Variants in CMYA5 observed in about 807,000 individuals in gnomAD.
The protein encoded by CMYA5 is cardiomyopathy associated 5, also known as cardiomyopathy-associated protein 5.
Under a neutral mutation model 318.9 loss-of-function variants are expected in CMYA5, and 246 were observed. The observed-to-expected ratio is 0.77, with a 90% CI of 0.70 to 0.86. The LOEUF is 0.86. Among genes scored for constraint, CMYA5 ranks in the 40% least tolerant of loss-of-function variants. The pLI is 0.00. For missense variants in CMYA5, 4,589 were observed against 4,678.2 expected, an observed-to-expected ratio of 0.98 and a Z score of 0.56; for synonymous variants, 1,641 against 1,729.5, an observed-to-expected ratio of 0.95 and a Z score of 1.27.
At position 79,799,610 on chromosome 5, in the gene CMYA5, CA is replaced by C; in HGVS notation, c.12206del (p.Lys4069SerfsTer14). On this transcript the variant is annotated frameshift_variant, in exon 13 of 13. Coordinates refer to ENST00000446378, the MANE Select transcript of CMYA5 (RefSeq NM_153610.5). LOFTEE classifies it high-confidence loss of function. Reference protein sequence around the residue: ...GIEPPDSVRHK With the variant: ...GIEPPDSVRHX ...TAGAGCCCCCGGATTCTGTAAGGCA[CA>C]AGTGATCCTTGGCTTTCAGAATTTG... 1 of 1,608,304 alleles carries C rather than the reference CA, an allele frequency of 6.2e-7. No homozygotes were observed. Among genetic ancestry groups the C allele is most frequent in the South Asian group, 1.1e-5 (1 of 90,502 alleles).
intron 11 of CMYA5, among the ~76,000 whole-genome samples, chr5:79,792,924 G>A (rs1219075662): frequency 1.3e-5 from 2 of 152,184 alleles, no homozygotes; most frequent in Non-Finnish European, 2.9e-5. Flanking sequence ...CTTGGCACTG[G>A]CCAGCACTAG....
chr5:79,734,578 A>G lies in CMYA5; in HGVS notation c.5813A>G (p.His1938Arg), dbSNP rs1380419998. Residue 1938 changes from histidine to arginine, a missense_variant, in exon 2 of 13, where the codon CAT becomes CGT. Physicochemically the swap from His to Arg is conservative, Grantham distance 29. This residue lies in a region of CMYA5 where 2,431 missense variants were observed against 2,495.1 expected (regional missense o/e 0.97). Transcript: ENST00000446378. Reference sequence around the variant, plus strand: ...AAGGCTGCTGTGTCCAGTAAGGACCATACATGTGAAGTGAGAAAGCAGGTC... The same window carrying G: ...AAGGCTGCTGTGTCCAGTAAGGACCGTACATGTGAAGTGAGAAAGCAGGTC... ...QLKAAVSSKD[H>R]TCEVRKQVLP... The G allele has an allele frequency of 1.4e-5, 22 of 1,613,802 alleles. No individual in the cohort carries two copies. The highest frequency in any genetic ancestry group is 1.8e-5 in the Non-Finnish European group (21 of 1,179,842).
At chr5:79,695,163 C>T (rs533906060) in intron 1 of CMYA5, among the ~76,000 whole-genome samples, 1 of 152,224 alleles carries the variant, frequency 6.6e-6, no homozygotes, top group South Asian at 2.1e-4. Context: ...AGTCATTAAA[C>T]CAAATTCCCC....
intron 5 of CMYA5, among the ~76,000 whole-genome samples, chr5:79,748,559 T>C (rs935058123): frequency 2.0e-5 from 3 of 149,684 alleles, no homozygotes; most frequent in Non-Finnish European, 4.4e-5. Context: ...CTATATTTTT[T>C]TGAGCCAGGG....
chr5:79,759,525 A>G (rs1413441269), intron 7 of CMYA5, among the ~76,000 whole-genome samples: 1 of 152,198 alleles, frequency 6.6e-6, no homozygotes, highest in Non-Finnish European at 1.5e-5. Flanking sequence ...AGTAGGGTGA[A>G]TGGATGGTAT....
chr5:79,772,226 C>T (rs771446847), intron 9 of CMYA5, among the ~76,000 whole-genome samples: 1 of 152,136 alleles, frequency 6.6e-6, no homozygotes, highest in Non-Finnish European at 1.5e-5. Flanking sequence ...CCAATCAATT[C>T]ATTTTTATTT....
chr5:79,732,548 T>A lies in CMYA5; in HGVS notation c.3783T>A (p.Asn1261Lys). The A allele has an allele frequency of 6.2e-7, 1 of 1,613,044 alleles. No individual in the cohort carries two copies. Among genetic ancestry groups the A allele is most frequent in the Non-Finnish European group, 8.5e-7 (1 of 1,179,568 alleles). ...KKGVKPKLVL[N>K]VTSELEQRKL... ...GTGTCAAGCCCAAATTAGTTCTAAA[T>A]GTGACTTCTGAACTAGAACAGAGAA... The change falls in exon 2 of 13, where the codon AAT becomes AAA. Residue 1261 changes from asparagine to lysine, a missense_variant. This residue lies in a region of CMYA5 where 2,132 missense variants were observed against 2,131.3 expected (regional missense o/e 1.00). Coordinates refer to ENST00000446378, the MANE Select transcript of CMYA5 (RefSeq NM_153610.5).
At chr5:79,765,730 T>C (rs1454768980) in intron 9 of CMYA5, among the ~76,000 whole-genome samples, 1 of 152,200 alleles carries the variant, frequency 6.6e-6, no homozygotes, top group Admixed American at 6.5e-5. Context: ...TATTCCTAGG[T>C]ATTTAATTCT....
At chr5:79,744,057 A>G (rs1180905477) in intron 3 of CMYA5, 135 bp downstream of exon 3, 3 of 518,788 alleles carry the variant, frequency 5.8e-6, no homozygotes, top group East Asian at 6.3e-5. Context: ...GGTTCCATTC[A>G]AAGCGAGAAT....
intron 12 of CMYA5, 88 bp from the exon 13 acceptor site, chr5:79,799,282 T>G (rs1445151326): frequency 3.0e-6 from 4 of 1,354,230 alleles, no homozygotes; most frequent in Non-Finnish European, 4.0e-6. Flanking sequence ...AGTTAATAAC[T>G]GAAGAATTGG....
intron 1 of CMYA5, among the ~76,000 whole-genome samples, chr5:79,714,433 T>C (rs1250126268): frequency 7.2e-6 from 1 of 138,892 alleles, no homozygotes; most frequent in Admixed American, 7.1e-5. Context: ...TTCTTTTTCT[T>C]TTTTTTTTTT....
chr5:79,794,641 G>A (rs1829243999), intron 12 of CMYA5, among the ~76,000 whole-genome samples: 1 of 152,154 alleles, frequency 6.6e-6, no homozygotes, highest in Non-Finnish European at 1.5e-5. Context: ...ATGAAATCAG[G>A]TACAGGGAAG....
intron 6 of CMYA5, among the ~76,000 whole-genome samples, chr5:79,758,521 G>A (rs993494890): frequency 4.0e-5 from 6 of 151,604 alleles, no homozygotes; most frequent in Non-Finnish European, 8.8e-5. Flanking sequence ...GACAGAGTGA[G>A]ACTCAGTCTC....
rs1827993359 is a variant in CMYA5 at position 79,734,195 on chromosome 5, A to G, written c.5430A>G (p.Ser1810=). 3 of 1,613,878 alleles carry G rather than the reference A, an allele frequency of 1.9e-6. No homozygotes were observed. The East Asian group carries it at 6.7e-5, about 36-fold the overall frequency. The change falls in exon 2 of 13, where the codon TCA becomes TCG. Residue 1810 remains serine (S), a synonymous_variant. Coordinates refer to ENST00000446378, the MANE Select transcript of CMYA5 (RefSeq NM_153610.5). ...SQVLQSITEP[S]KIAPSDLLVE... ...TACTCCAGAGTATAACAGAACCATC[A>G]AAGATTGCTCCTTCTGACCTCCTTG...
At chr5:79,763,545 G>A (rs751618397) in intron 9 of CMYA5, 23 of 243,072 alleles carry the variant, frequency 9.5e-5, no homozygotes, top group African/African-American at 2.0e-4. Flanking sequence ...ATCAGAATCC[G>A]TACCACCTAA....
At position 79,793,605 on chromosome 5, in the gene CMYA5, A is replaced by G. The variant is rs754797525; in HGVS notation, c.11958A>G (p.Pro3986=). 6.3e-7 allele frequency: 1 copy of G among 1,592,934 alleles called. No individual in the cohort carries two copies. Among genetic ancestry groups the G allele is most frequent in the Non-Finnish European group, 8.6e-7 (1 of 1,163,228 alleles). ...CATGGTACATGCACTGCTCTGAGCC[A>G]CAGAGGTAAGCGAGCCCTTCCCCTC... ...ETSWYMHCSE[P]QRYTFFYSGI... The change falls in exon 12 of 13, where the codon CCA becomes CCG. Residue 3986 remains proline, a synonymous_variant. Transcript: ENST00000446378.
Position 79,761,797 on chromosome 5 carries a change from G to T in CMYA5, c.11261-14G>T. The T allele has an allele frequency of 6.2e-6, 10 of 1,601,916 alleles. No individual in the cohort carries two copies. Among genetic ancestry groups the T allele is most frequent in the Non-Finnish European group, 8.5e-6 (10 of 1,174,106 alleles). On this transcript the variant is annotated splice_polypyrimidine_tract_variant and intron_variant, in intron 7 of 12. Transcript: ENST00000446378. Reference sequence around the variant, plus strand: ...TTGGAAGATGTCTTCGATTTTAATTGTGTCTTATGCTAGAGTTGGTAGAAG... The same window carrying T: ...TTGGAAGATGTCTTCGATTTTAATTTTGTCTTATGCTAGAGTTGGTAGAAG...
rs766663218 is a variant in CMYA5 at position 79,793,477 on chromosome 5, C to T, written c.11830C>T (p.Gln3944Ter). The T allele has an allele frequency of 1.9e-6, 3 of 1,613,764 alleles. No individual in the cohort carries two copies. Among genetic ancestry groups the T allele is most frequent in the South Asian group, 1.1e-5 (1 of 91,078 alleles). Residue 3944 changes from glutamine (Q) to a stop codon, truncating the protein, a stop_gained, in exon 12 of 13, where the codon CAG (glutamine) becomes TAG (stop). Transcript: ENST00000446378. LOFTEE classifies it high-confidence loss of function. ...GGGTGAGGAGCTGCCTTCCTGTGGC[C>T]AGCATTACTGGGAAACCACAGTCAC... ...VLGEELPSCG[Q>*]HYWETTVTDC...
At chr5:79,788,924 A>C in intron 9 of CMYA5, 47 bp from the exon 10 acceptor site, 1 of 1,558,250 alleles carries the variant, frequency 6.4e-7, no homozygotes, top group Non-Finnish European at 8.8e-7. Context: ...GGAATCATTT[A>C]GCATGTGGCA....
Sources: allele counts gnomAD v4.1 joint callset (sites outside exome capture counted in the v4.1 genomes callset), GRCh38; gene constraint gnomAD v4.1.1; regional missense constraint gnomAD v4.1.1; transcripts MANE v1.5; gene names NCBI Gene and HGNC (gene_info 2026-07-23, HGNC 2026-07-21).